ADAT2: variants seen among roughly 807,000 people sequenced by gnomAD.
ADAT2 encodes adenosine deaminase tRNA specific 2.
Under a neutral mutation model 25.9 loss-of-function variants are expected in ADAT2, and 26 were observed. The observed-to-expected ratio is 1.00, with a 90% CI of 0.74 to 1.39. The LOEUF (loss-of-function observed/expected upper bound fraction) is 1.39. Ranked by LOEUF, ADAT2 falls within the 40% of genes most tolerant of loss-of-function variation. The probability of loss-of-function intolerance (pLI) is 0.00; values close to 1 mark genes in which losing one functional copy is unlikely to be tolerated. For synonymous variants in ADAT2, 76 were observed against 86.8 expected (o/e 0.88, Z 0.69); for missense variants, 220 against 244.8 (o/e 0.90, Z 0.68).
rs73778385 is a variant in ADAT2, at chr6:143,436,311, G to A, written c.201+2279C>T. 1.4e-4 allele frequency: 34 copies of A among 238,104 alleles called. No homozygotes were observed. The highest frequency in any genetic ancestry group is 7.8e-4 in the African/African-American group (34 of 43,750). The allele number at this position is 238,104 out of a possible 1,614,324, so 14.7% of individuals were successfully genotyped here. On this transcript the variant is annotated intron_variant, in intron 2 of 5. Coordinates refer to ENST00000237283, the MANE Select transcript of ADAT2 (RefSeq NM_182503.3). The surrounding 1 kb of genome is among the most constrained non-coding windows in gnomAD (Gnocchi z 4.1). ...CCCAGTATGGCCTCTATCTAACAGAGGCTGCCATTTTCAGGGGCTGGATGT... is the reference window on the plus strand; with the variant it reads ...CCCAGTATGGCCTCTATCTAACAGAAGCTGCCATTTTCAGGGGCTGGATGT...
In ADAT2 at chr6:143,427,897, G is replaced by A. The variant is rs1778986139; in HGVS notation, c.*566C>T. ...ACTCAAGCACTTGTTTTAAAAGTAT[G>A]CATTTTTTCTAAATGCTTTATAAAA... On this transcript the variant is annotated 3_prime_UTR_variant, in exon 6 of 6. Coordinates refer to ENST00000237283, the MANE Select transcript of ADAT2 (RefSeq NM_182503.3). 1 of 152,204 alleles carries A rather than the reference G, an allele frequency of 6.6e-6. No individual in the cohort carries two copies. Among genetic ancestry groups the A allele is most frequent in the Non-Finnish European group, 1.5e-5 (1 of 68,120 alleles). 9.4% of individuals were successfully genotyped at this position (152,204 alleles called of 1,614,324 possible). A position where few individuals can be genotyped will look rare whatever the true frequency, so the allele number is the denominator to read the frequency against.
At chr6:143,450,466 T>C in intron 1 of ADAT2, 97 bp downstream of exon 1, 1 of 1,332,298 alleles carries the variant, frequency 7.5e-7, no homozygotes, top group South Asian at 1.2e-5. Flanking sequence ...CCATAAAAAT[T>C]ATGGTGACGA....
At position 143,442,776 on chromosome 6, in the gene ADAT2, G is replaced by A. The variant is rs1295198751; in HGVS notation, c.97-4082C>T. ...TTTAGTGAGTTTAGAGAAATATTTG[G>A]TGTTACGGACAATCCCAGAAAAACA... On this transcript the variant is annotated intron_variant, in intron 1 of 5. Transcript: ENST00000237283. The surrounding 1 kb of genome is among the most constrained non-coding windows in gnomAD (Gnocchi z 4.6). Among the ~76,000 whole-genome samples the A allele has an allele frequency of 6.6e-6, 1 of 152,206 alleles. No homozygotes were observed. The highest frequency in any genetic ancestry group is 1.9e-4 in the East Asian group (1 of 5,200).
intron 1 of ADAT2, among the ~76,000 whole-genome samples, chr6:143,448,000 A>G (rs1174595884): frequency 1.3e-5 from 2 of 152,222 alleles, no homozygotes; most frequent in Admixed American, 6.5e-5. Context: ...CTCAACCCAA[A>G]TGTCCATCAA....
chr6:143,428,459 A>G lies in ADAT2; in HGVS notation c.*4T>C, dbSNP rs761504057. 1.2e-6 allele frequency: 2 copies of G among 1,613,412 alleles called. No individual in the cohort carries two copies. Among genetic ancestry groups the G allele is most frequent in the Admixed American group, 1.7e-5 (1 of 60,020 alleles). On this transcript the variant is annotated 3_prime_UTR_variant, in exon 6 of 6. Coordinates refer to ENST00000237283, the MANE Select transcript of ADAT2 (RefSeq NM_182503.3). This position sits in a 1 kb window ranked among gnomAD's most constrained non-coding sequence, Gnocchi z 5.0. ...GGTCACTTGGTTCTTTCATCAGAAC[A>G]TGTTCAAGATTTCTGACATTCCTTT...
At chr6:143,445,758 A>G (rs1292848758) in intron 1 of ADAT2, among the ~76,000 whole-genome samples, 4 of 152,098 alleles carry the variant, frequency 2.6e-5, no homozygotes, top group African/African-American at 9.7e-5. Context: ...TCTCTTGCTC[A>G]CCTCTGCAGC....
chr6:143,429,441 A>AT (rs1779044937), intron 4 of ADAT2, among the ~76,000 whole-genome samples: 1 of 148,304 alleles, frequency 6.7e-6, no homozygotes, highest in Non-Finnish European at 1.5e-5. Context: ...TAAATAAGAA[A>AT]TTGTGCTAAC....
chr6:143,429,981 C>T (rs1779058070), intron 4 of ADAT2, among the ~76,000 whole-genome samples: 1 of 152,168 alleles, frequency 6.6e-6, no homozygotes, highest in Non-Finnish European at 1.5e-5. Context: ...GGCTTGAGTT[C>T]CCAGCACTTC....
chr6:143,428,158 G>C lies in ADAT2; in HGVS notation c.*305C>G. 1 of 354,454 alleles carries C rather than the reference G, an allele frequency of 2.8e-6. No individual in the cohort carries two copies. 22.0% of individuals were successfully genotyped at this position (354,454 alleles called of 1,614,324 possible). A position where few individuals can be genotyped will look rare whatever the true frequency, so the allele number is the denominator to read the frequency against. ...CACATTCTCTAAGAAGTCAGCACTTGCCTGGACTGGGCACTTGTGGCTAGA... is the reference window on the plus strand; with the variant it reads ...CACATTCTCTAAGAAGTCAGCACTTCCCTGGACTGGGCACTTGTGGCTAGA... On this transcript the variant is annotated 3_prime_UTR_variant, in exon 6 of 6. Coordinates refer to ENST00000237283, the MANE Select transcript of ADAT2 (RefSeq NM_182503.3). This position sits in a 1 kb window ranked among gnomAD's most constrained non-coding sequence, Gnocchi z 5.0.
rs1246045148 is a variant in ADAT2 at position 143,449,342 on chromosome 6, G to C, written c.96+1221C>G. On this transcript the variant is annotated intron_variant, in intron 1 of 5. Coordinates refer to ENST00000237283, the MANE Select transcript of ADAT2 (RefSeq NM_182503.3). ...TTTGGGATTACAGGCATGAGCCACT[G>C]CATCTGGCCATGCTACTTTGTATCT... is the stretch of plus-strand genomic sequence containing the variant. 7.2e-5 allele frequency among the ~76,000 whole-genome samples: 11 copies of C among 152,326 alleles called. No individual in the cohort carries two copies. In the East Asian group the frequency reaches 2.1e-3, roughly 29 times the overall value.
chr6:143,434,054 T>C lies in ADAT2; in HGVS notation c.202-73A>G, dbSNP rs926723473. 2.8e-5 allele frequency: 44 copies of C among 1,571,286 alleles called. 1 individual carries two copies. The South Asian group carries it at 4.5e-4, about 16-fold the overall frequency. The stretch of plus-strand genomic sequence containing the variant: ...TACTATTTTACAAATATACAAAAAC[T>C]AAGTACAAAATATGCGCCTATCCTT... On this transcript the variant is annotated intron_variant, in intron 2 of 5. Transcript: ENST00000237283. The surrounding 1 kb of genome is among the most constrained non-coding windows in gnomAD (Gnocchi z 4.5).
intron 1 of ADAT2, among the ~76,000 whole-genome samples, chr6:143,445,340 A>C (rs1779571261): frequency 6.6e-6 from 1 of 151,980 alleles, no homozygotes; most frequent in Admixed American, 6.6e-5. Context: ...CACTTGAAAA[A>C]GGCACACGCA....
At position 143,444,838 on chromosome 6, in the gene ADAT2, T is replaced by A; in HGVS notation, c.96+5725A>T. The A allele has an allele frequency of 1.0e-6, 1 of 988,936 alleles. No individual in the cohort carries two copies. The highest frequency in any genetic ancestry group is 1.8e-5 in the African/African-American group (1 of 57,044). 61.3% of individuals were successfully genotyped at this position (988,936 alleles called of 1,614,324 possible). On this transcript the variant is annotated intron_variant, in intron 1 of 5. Transcript: ENST00000237283. The surrounding 1 kb of genome is among the most constrained non-coding windows in gnomAD (Gnocchi z 4.3). ...ATGAAAGCACCTAGATGGAAGAGAC[T>A]TCGTAGTTTATTATTTTCTCCAAAG...
At chr6:143,435,422 T>TG (rs1342327845) in intron 2 of ADAT2, among the ~76,000 whole-genome samples, 1 of 152,196 alleles carries the variant, frequency 6.6e-6, no homozygotes, top group Non-Finnish European at 1.5e-5. Context: ...TCTTCTCATT[T>TG]GGGGTCAAGA....
chr6:143,431,361 C>T (rs1467527313), intron 4 of ADAT2, among the ~76,000 whole-genome samples: 2 of 152,158 alleles, frequency 1.3e-5, no homozygotes, highest in African/African-American at 2.4e-5. Context: ...CTTTGTTCTG[C>T]CCAGAAACTG....
chr6:143,426,583 A>T lies in ADAT2; in HGVS notation c.*1880T>A, dbSNP rs975406989. On this transcript the variant is annotated 3_prime_UTR_variant, in exon 6 of 6. Transcript: ENST00000237283. The surrounding 1 kb of genome is among the most constrained non-coding windows in gnomAD (Gnocchi z 4.1). ...CATTCTCCAAAACAGCAAAGACGGA[A>T]CATATGTATATTGTTAAGTCTTTTC... is the stretch of plus-strand genomic sequence containing the variant. 2 of 152,226 alleles carry T rather than the reference A, an allele frequency of 1.3e-5. No homozygotes were observed. The highest frequency in any genetic ancestry group is 4.8e-5 in the African/African-American group (2 of 41,458). 9.4% of individuals were successfully genotyped at this position (152,226 alleles called of 1,614,324 possible).
chr6:143,441,243 A>T (rs2128742668), intron 1 of ADAT2, among the ~76,000 whole-genome samples: 1 of 152,350 alleles, frequency 6.6e-6, no homozygotes, highest in Non-Finnish European at 1.5e-5. Flanking sequence ...GAAGAAAAAC[A>T]TGCTAAAATA....
In ADAT2 at chr6:143,450,594, G is replaced by A; in HGVS notation, c.65C>T (p.Thr22Ile). The A allele has an allele frequency of 1.9e-6, 3 of 1,614,064 alleles. No homozygotes were observed. The highest frequency in any genetic ancestry group is 2.2e-5 in the South Asian group (2 of 91,080). Residue 22 changes from threonine to isoleucine, a missense_variant, in exon 1 of 6, where the codon ACC (threonine) becomes ATC (isoleucine). Transcript: ENST00000237283. ...SGACSVSAEE[T>I]EKWMEEAMHM... ...CATCGCCTCCTCCATCCACTTTTCG[G>A]TCTCCTCTGCCGACACCGAGCACGC...
chr6:143,439,361 A>AAAAAG (rs1259721772), intron 1 of ADAT2, among the ~76,000 whole-genome samples: 2 of 150,820 alleles, frequency 1.3e-5, no homozygotes, highest in Non-Finnish European at 2.9e-5. Context: ...AAAAAAAAAA[A>AAAAAG]AAGAAGAAGA....
Sources: gnomAD v4.1 joint callset for allele counts (sites outside exome capture counted in the v4.1 genomes callset) on GRCh38, gnomAD v4.1.1 for gene constraint, Gnocchi (gnomAD v3.1) non-coding constraint, MANE v1.5 for transcripts, NCBI Gene and HGNC (gene_info 2026-07-23, HGNC 2026-07-21) for gene names.